Variants in NEBL observed in about 807,000 individuals in gnomAD.
The protein encoded by NEBL is LIM and SH3 protein 2.
Under a neutral mutation model 140.2 loss-of-function variants are expected in NEBL, and 122 were observed. The ratio of observed to expected loss-of-function variants is 0.87; its 90% CI spans 0.75 to 1.01. The LOEUF (loss-of-function observed/expected upper bound fraction) is 1.01, where lower values mean the gene tolerates loss of function less well. Ranked by LOEUF, NEBL falls within the 50% of genes least tolerant of loss-of-function variation. NEBL has a pLI of 0.00. For synonymous variants in NEBL, 436 were observed against 398.9 expected, an observed-to-expected ratio of 1.09 and a Z score of -1.11; for missense variants, 1,365 against 1,231.3, an observed-to-expected ratio of 1.11 and a Z score of -1.62.
At chr10:20,967,144 G>A (rs1477499608) in intron 3 of NEBL, among the ~76,000 whole-genome samples, 3 of 151,600 alleles carry the variant, frequency 2.0e-5, no homozygotes, top group East Asian at 3.9e-4. Flanking sequence ...TGGAGACCTG[G>A]ACCAACATGT....
At chr10:21,118,547 A>C (rs1453020794) in intron 2 of NEBL, among the ~76,000 whole-genome samples, 1 of 152,120 alleles carries the variant, frequency 6.6e-6, no homozygotes, top group Non-Finnish European at 1.5e-5. Context: ...TAGTTTTCCA[A>C]CCTCTGGGGA....
At chr10:21,027,334 T>C (rs549868320) in intron 2 of NEBL, among the ~76,000 whole-genome samples, 1 of 151,086 alleles carries the variant, frequency 6.6e-6, no homozygotes, top group Non-Finnish European at 1.5e-5. Flanking sequence ...TTGTTTTTTT[T>C]TTTTTAATTT....
intron 2 of NEBL, among the ~76,000 whole-genome samples, chr10:21,079,365 T>C (rs558565938): frequency 5.3e-5 from 8 of 152,338 alleles, no homozygotes; most frequent in African/African-American, 7.2e-5. Context: ...ATTTCTGTGA[T>C]TTATTTGGCA....
At position 20,855,194 on chromosome 10, in the gene NEBL, A is replaced by C. The variant is rs1842937684; in HGVS notation, c.904-2545T>G. Among the ~76,000 whole-genome samples the C allele has an allele frequency of 2.7e-5, 4 of 150,266 alleles. No homozygotes were observed. The South Asian group carries it at 8.4e-4, about 31-fold the overall frequency. The stretch of plus-strand genomic sequence containing the variant: ...CAGTGAGCTGAGATCGTGCCACTGC[A>C]CTCCATCCTGGAGACAGAGCGAGAG... On this transcript the variant is annotated intron_variant, in intron 9 of 27. Transcript: ENST00000377122.
chr10:20,798,972 C>G (rs956755650), intron 26 of NEBL, among the ~76,000 whole-genome samples: 3 of 151,988 alleles, frequency 2.0e-5, no homozygotes, highest in African/African-American at 7.3e-5. Context: ...TTTCGCTGCC[C>G]GAAACTTTTT....
At chr10:20,910,540 G>A (rs896740607) in intron 4 of NEBL, among the ~76,000 whole-genome samples, 7 of 152,174 alleles carry the variant, frequency 4.6e-5, no homozygotes, top group Non-Finnish European at 1.0e-4. Flanking sequence ...CTCACTGCAT[G>A]AACCATGGTC....
chr10:20,849,586 G>T (rs1842312404), intron 11 of NEBL, among the ~76,000 whole-genome samples: 1 of 152,150 alleles, frequency 6.6e-6, no homozygotes, highest in South Asian at 2.1e-4. Flanking sequence ...TAAGGCATGT[G>T]CAAGCACTCT....
At chr10:21,042,232 A>G (rs1198370710) in intron 2 of NEBL, among the ~76,000 whole-genome samples, 1 of 152,192 alleles carries the variant, frequency 6.6e-6, no homozygotes, top group Non-Finnish European at 1.5e-5. Flanking sequence ...TATGAGGTAC[A>G]TACTCTCATT....
rs193169767 is a variant in NEBL, at chr10:21,167,543, G to C, written c.164+4840C>G. Among the ~76,000 whole-genome samples, 17 of 152,294 alleles carry C rather than the reference G, an allele frequency of 1.1e-4. No homozygotes were observed. The East Asian group carries it at 3.1e-3, about 28-fold the overall frequency. ...CTTGACATTTGGTGAGAACACATTAGCTGGTCAGTCTTGGCAATGCTACTT... is the reference window on the plus strand; with the variant it reads ...CTTGACATTTGGTGAGAACACATTACCTGGTCAGTCTTGGCAATGCTACTT... On this transcript the variant is annotated intron_variant, in intron 2 of 6. Transcript: ENST00000417816.
At chr10:20,892,341 A>G (rs1447817714) in intron 2 of NEBL, among the ~76,000 whole-genome samples, 4 of 152,158 alleles carry the variant, frequency 2.6e-5, no homozygotes, top group African/African-American at 7.2e-5. Context: ...TTCTTTCTCA[A>G]TCAAAGGGAA....
intron 2 of NEBL, among the ~76,000 whole-genome samples, chr10:21,061,920 T>C (rs546634226): frequency 3.9e-5 from 6 of 152,304 alleles, no homozygotes; most frequent in Admixed American, 3.9e-4. Flanking sequence ...ACATAAGCTA[T>C]AGATGCAAGC....
chr10:20,803,300 T>G (rs887580518), intron 26 of NEBL, among the ~76,000 whole-genome samples: 4 of 152,194 alleles, frequency 2.6e-5, no homozygotes, highest in Non-Finnish European at 5.9e-5. Context: ...TTCAAGATGA[T>G]GAATATGCTA....
chr10:20,958,098 C>A (rs937468550), intron 4 of NEBL, among the ~76,000 whole-genome samples: 7 of 152,182 alleles, frequency 4.6e-5, no homozygotes, highest in Non-Finnish European at 1.0e-4. Flanking sequence ...GTGGGAACCA[C>A]CTGAAATTAG....
intron 4 of NEBL, among the ~76,000 whole-genome samples, chr10:20,882,737 C>CAA (rs1846135490): frequency 1.3e-5 from 2 of 148,354 alleles, no homozygotes; most frequent in African/African-American, 5.1e-5. Context: ...ATCTTGTCAT[C>CAA]CAAAAAAAAA....
chr10:21,067,248 G>C (rs1056091103), intron 2 of NEBL, among the ~76,000 whole-genome samples: 1 of 152,038 alleles, frequency 6.6e-6, no homozygotes, highest in African/African-American at 2.4e-5. Flanking sequence ...TGAGATTACA[G>C]GTGTGAGCCA....
intron 3 of NEBL, among the ~76,000 whole-genome samples, chr10:21,243,774 G>A (rs769470875): frequency 4.6e-5 from 7 of 152,100 alleles, no homozygotes; most frequent in African/African-American, 9.7e-5. Context: ...CACACACAGC[G>A]GCAATGGGGA....
At chr10:21,169,067 AATATATATATATATATATATATATATAT>A (rs1176763018) in intron 2 of NEBL, among the ~76,000 whole-genome samples, 2 of 23,072 alleles carry the variant, frequency 8.7e-5, no homozygotes, top group East Asian at 1.3e-3. Flanking sequence ...AAAAAAAAAA[AATATATATATATATATATATATATATAT>A]ATATATATAT....
chr10:20,807,096 G>T (rs1837679293), intron 26 of NEBL, among the ~76,000 whole-genome samples: 1 of 152,114 alleles, frequency 6.6e-6, no homozygotes, highest in African/African-American at 2.4e-5. Context: ...AGGCTGAGGT[G>T]GGTGGATCAC....
chr10:21,155,760 T>A (rs570870191), intron 2 of NEBL, among the ~76,000 whole-genome samples: 29 of 152,340 alleles, frequency 1.9e-4, no homozygotes, highest in African/African-American at 6.5e-4. Flanking sequence ...GAAAACTGAC[T>A]GGGCAAGGGA....
Sources: gnomAD v4.1 joint callset for allele counts (sites outside exome capture counted in the v4.1 genomes callset) on GRCh38, gnomAD v4.1.1 for gene constraint, MANE v1.5 for transcripts, NCBI Gene and HGNC (gene_info 2026-07-23, HGNC 2026-07-21) for gene names.